SHANK2: variants seen among roughly 807,000 people sequenced by gnomAD.
SHANK2 encodes SH3 and multiple ankyrin repeat domains protein 2.
In SHANK2, 43 loss-of-function variants were observed where a neutral mutation model predicts 133.7. The observed-to-expected ratio is 0.32, with a 90% CI of 0.25 to 0.41. The LOEUF is 0.41. Ranked by LOEUF, SHANK2 falls within the 10% of genes least tolerant of loss-of-function variation. The probability of loss-of-function intolerance (pLI) is 1.00; values close to 1 mark genes in which losing one functional copy is unlikely to be tolerated. For missense variants in SHANK2, 1,994 were observed against 2,235.8 expected, an observed-to-expected ratio of 0.89 and a Z score of 2.18; for synonymous variants, 1,017 against 952.8, an observed-to-expected ratio of 1.07 and a Z score of -1.24.
chr11:71,133,237 A>C (rs1433940424), intron 3 of SHANK2, among the ~76,000 whole-genome samples: 1 of 109,136 alleles, frequency 9.2e-6, no homozygotes, highest in African/African-American at 3.7e-5. Flanking sequence ...TGCACAGATG[A>C]ATGGATGGAT....
intron 17 of SHANK2, among the ~76,000 whole-genome samples, chr11:70,602,876 A>G (rs565969749): frequency 6.6e-6 from 1 of 152,352 alleles, no homozygotes; most frequent in South Asian, 2.1e-4. Context: ...GGCTTTGGAT[A>G]GCGACTAAGA....
At chr11:71,114,083 G>A (rs1397200876) in intron 4 of SHANK2, among the ~76,000 whole-genome samples, 5 of 152,188 alleles carry the variant, frequency 3.3e-5, no homozygotes, top group African/African-American at 1.2e-4. Flanking sequence ...AGTCACTGGA[G>A]TTTGGAGCTG....
At chr11:70,524,511 G>A (rs1024485692) in intron 17 of SHANK2, among the ~76,000 whole-genome samples, 4 of 152,200 alleles carry the variant, frequency 2.6e-5, no homozygotes, top group Non-Finnish European at 5.9e-5. Flanking sequence ...TCTGCAAGGA[G>A]TACTAGTAGG....
chr11:70,595,542 T>C (rs1432827245), intron 17 of SHANK2, among the ~76,000 whole-genome samples: 1 of 152,122 alleles, frequency 6.6e-6, no homozygotes, highest in African/African-American at 2.4e-5. Context: ...CGGTGAACTG[T>C]GGCCTGGAGC....
chr11:70,829,354 G>A (rs1948692979), intron 11 of SHANK2, among the ~76,000 whole-genome samples: 1 of 152,150 alleles, frequency 6.6e-6, no homozygotes, highest in African/African-American at 2.4e-5. Flanking sequence ...TGCAGCAGCT[G>A]CTCCTGGAGG....
chr11:70,772,760 C>T (rs1947279671), intron 14 of SHANK2, among the ~76,000 whole-genome samples: 1 of 152,160 alleles, frequency 6.6e-6, no homozygotes, highest in Admixed American at 6.5e-5. Context: ...TGTATATGTC[C>T]TAGGGACTCC....
intron 17 of SHANK2, among the ~76,000 whole-genome samples, chr11:70,515,578 G>A (rs1437476101): frequency 7.3e-6 from 1 of 137,392 alleles, no homozygotes; most frequent in African/African-American, 2.7e-5. Context: ...GGGGTGGGAC[G>A]ATTGCTTGAA....
At chr11:70,556,971 C>T (rs2059840316) in intron 17 of SHANK2, among the ~76,000 whole-genome samples, 1 of 152,102 alleles carries the variant, frequency 6.6e-6, no homozygotes, top group African/African-American at 2.4e-5. Flanking sequence ...GATCCTCCTG[C>T]CCTTGGCCTC....
intron 14 of SHANK2, among the ~76,000 whole-genome samples, chr11:70,757,064 G>A (rs1197095890): frequency 6.6e-6 from 1 of 152,174 alleles, no homozygotes; most frequent in Non-Finnish European, 1.5e-5. Flanking sequence ...TCAAAGGCTG[G>A]CAGGTAACAA....
At chr11:70,772,468 A>G (rs1947273369) in intron 14 of SHANK2, among the ~76,000 whole-genome samples, 1 of 151,722 alleles carries the variant, frequency 6.6e-6, no homozygotes, top group African/African-American at 2.4e-5. Context: ...ATATTATTCC[A>G]TGCCTCTGAA....
chr11:70,568,967 A>G (rs2060007467), intron 17 of SHANK2, among the ~76,000 whole-genome samples: 1 of 152,124 alleles, frequency 6.6e-6, no homozygotes, highest in African/African-American at 2.4e-5. Context: ...CTCAGCATCC[A>G]CGTCCGAGGG....
At chr11:70,649,285 G>A (rs925645645) in intron 17 of SHANK2, among the ~76,000 whole-genome samples, 1 of 152,156 alleles carries the variant, frequency 6.6e-6, no homozygotes, top group African/African-American at 2.4e-5. Context: ...TGCTCCATGG[G>A]ACCCATCTGA....
chr11:70,577,803 C>T (rs1221620446), intron 17 of SHANK2, among the ~76,000 whole-genome samples: 1 of 152,184 alleles, frequency 6.6e-6, no homozygotes, highest in Non-Finnish European at 1.5e-5. Context: ...AACCTCAGAA[C>T]GTGACTGTAT....
At chr11:70,901,134 C>A (rs1371920529) in intron 10 of SHANK2, among the ~76,000 whole-genome samples, 2 of 152,090 alleles carry the variant, frequency 1.3e-5, no homozygotes, top group African/African-American at 4.8e-5. Flanking sequence ...AGGCACAGAG[C>A]GATAAGGAAC....
intron 10 of SHANK2, among the ~76,000 whole-genome samples, chr11:70,906,828 G>A (rs1655846085): frequency 1.3e-5 from 2 of 152,146 alleles, no homozygotes; most frequent in African/African-American, 4.8e-5. Flanking sequence ...GGGTCGCCGA[G>A]TTCCCCTGCA....
chr11:70,483,927 T>C (rs955707406), intron 25 of SHANK2, among the ~76,000 whole-genome samples: 4 of 152,132 alleles, frequency 2.6e-5, no homozygotes, highest in African/African-American at 4.8e-5. Context: ...ACTGGGAAAA[T>C]TGGGGCTCTC....
chr11:70,510,781 C>A (rs115500453), intron 17 of SHANK2, among the ~76,000 whole-genome samples: 1 of 152,200 alleles, frequency 6.6e-6, no homozygotes, highest in African/African-American at 2.4e-5. Context: ...GCTGGGCACA[C>A]AAAGGGTGGA....
chr11:70,565,670 T>C (rs1348854300), intron 17 of SHANK2, among the ~76,000 whole-genome samples: 2 of 152,198 alleles, frequency 1.3e-5, no homozygotes, highest in Non-Finnish European at 2.9e-5. Context: ...CTGTTTCTCA[T>C]GCTTTAGTGA....
intron 25 of SHANK2, chr11:70,477,559 C>T (rs1403585936): frequency 6.6e-6 from 1 of 152,100 alleles, no homozygotes; most frequent in Non-Finnish European, 1.5e-5. Flanking sequence ...AGCTTATTGC[C>T]AATTTCCTAC....
Sources: gnomAD v4.1 joint callset for allele counts (sites outside exome capture counted in the v4.1 genomes callset) on GRCh38, gnomAD v4.1.1 for gene constraint, MANE v1.5 for transcripts, NCBI Gene and HGNC (gene_info 2026-07-23, HGNC 2026-07-21) for gene names.